The following ADIPOR2 variants were observed in gnomAD, a reference collection of about 807,000 sequenced individuals.
ADIPOR2 encodes the protein adiponectin receptor protein 2.
In ADIPOR2, 18 loss-of-function variants were observed where a neutral mutation model predicts 40.9. That is an observed-to-expected ratio of 0.44 (90% confidence interval 0.30 to 0.65). The LOEUF is 0.65. Among genes scored for constraint, ADIPOR2 ranks in the 30% least tolerant of loss-of-function variants. The probability of loss-of-function intolerance (pLI) is 0.09; values close to 1 mark genes in which losing one functional copy is unlikely to be tolerated. For missense variants in ADIPOR2, 283 were observed against 479.2 expected (o/e 0.59, Z 3.82); for synonymous variants, 165 against 166.4 (o/e 0.99, Z 0.06).
intron 1 of ADIPOR2, among the ~76,000 whole-genome samples, chr12:1,707,734 A>G (rs748493236): frequency 6.6e-6 from 1 of 152,062 alleles, no homozygotes; most frequent in African/African-American, 2.4e-5. Flanking sequence ...CAGTCTCCCA[A>G]AGTGCTGGGA....
chr12:1,730,340 G>A (rs2094717265), intron 1 of ADIPOR2, among the ~76,000 whole-genome samples: 2 of 151,706 alleles, frequency 1.3e-5, no homozygotes, highest in South Asian at 2.1e-4. Flanking sequence ...TGTTCAGGCC[G>A]GGCGCGGTGG....
chr12:1,757,718 G>A (rs1862169472), intron 2 of ADIPOR2: 2 of 1,309,666 alleles, frequency 1.5e-6, no homozygotes, highest in South Asian at 1.2e-5. Flanking sequence ...TAGATGAGAC[G>A]GAAATTCTCC....
Position 1,780,973 on chromosome 12 carries a change from T to A in ADIPOR2, c.735T>A (p.Pro245=). 1 of 1,614,030 alleles carries A rather than the reference T, an allele frequency of 6.2e-7. No individual in the cohort carries two copies. The highest frequency in any genetic ancestry group is 1.3e-5 in the African/African-American group (1 of 75,046). Residue 245 remains proline, a synonymous_variant, in exon 6 of 8, where the codon CCT becomes CCA. Transcript: ENST00000357103. Reference sequence around the variant, plus strand: ...ATTCTTTCTACTGTAATCCACAACCTTGCTTCATCTACTTGATTGTCATCT... The same window carrying A: ...ATTCTTTCTACTGTAATCCACAACCATGCTTCATCTACTTGATTGTCATCT... ...LYYSFYCNPQ[P]CFIYLIVICV...
intron 1 of ADIPOR2, among the ~76,000 whole-genome samples, chr12:1,693,027 C>G (rs974759835): frequency 6.6e-6 from 1 of 152,046 alleles, no homozygotes; most frequent in Non-Finnish European, 1.5e-5. Context: ...TGGTGGCGCA[C>G]TCTTGTTATC....
intron 1 of ADIPOR2, chr12:1,697,947 G>C (rs561759570): frequency 2.0e-5 from 3 of 152,416 alleles, no homozygotes; most frequent in South Asian, 2.1e-4. Context: ...AGTGTATATA[G>C]TACTGCTGTA....
intron 1 of ADIPOR2, among the ~76,000 whole-genome samples, chr12:1,744,355 C>T (rs1023747815): frequency 2.6e-5 from 4 of 152,176 alleles, no homozygotes; most frequent in Admixed American, 6.5e-5. Context: ...CTGCCCGTCT[C>T]GGCCTCCCAA....
chr12:1,700,769 GT>G (rs1028032661), intron 1 of ADIPOR2, among the ~76,000 whole-genome samples: 54 of 141,720 alleles, frequency 3.8e-4, no homozygotes, highest in African/African-American at 1.4e-3. Flanking sequence ...TATAAAAGCT[GT>G]TTTGTTGTTG....
At chr12:1,731,707 C>A (rs947133439) in intron 1 of ADIPOR2, among the ~76,000 whole-genome samples, 9 of 152,190 alleles carry the variant, frequency 5.9e-5, no homozygotes, top group Non-Finnish European at 1.0e-4. Flanking sequence ...TCCCTGTAAT[C>A]CCAGCCCTTT....
chr12:1,747,263 T>C (rs1261068359), intron 1 of ADIPOR2, among the ~76,000 whole-genome samples: 1 of 152,100 alleles, frequency 6.6e-6, no homozygotes, highest in East Asian at 1.9e-4. Context: ...ACAAAGTGCC[T>C]TTTCTAATCA....
chr12:1,770,251 C>T (rs751683197), intron 2 of ADIPOR2, among the ~76,000 whole-genome samples: 10 of 152,172 alleles, frequency 6.6e-5, no homozygotes, highest in Non-Finnish European at 1.0e-4. Context: ...AGTAATCTCA[C>T]TGATTACTTA....
At chr12:1,785,377 A>G (rs1862805603) in intron 7 of ADIPOR2, among the ~76,000 whole-genome samples, 2 of 152,194 alleles carry the variant, frequency 1.3e-5, no homozygotes, top group Non-Finnish European at 2.9e-5. Context: ...TAGTTCATGA[A>G]ATTTGAGAAT....
intron 6 of ADIPOR2, among the ~76,000 whole-genome samples, chr12:1,781,934 A>G (rs1862727996): frequency 6.6e-6 from 1 of 152,238 alleles, no homozygotes; most frequent in Admixed American, 6.5e-5. Flanking sequence ...AGCTTTCAAC[A>G]GTACTTGAGT....
intron 1 of ADIPOR2, among the ~76,000 whole-genome samples, chr12:1,744,843 AT>A (rs1400787116): frequency 1.3e-5 from 2 of 152,266 alleles, no homozygotes; most frequent in Admixed American, 1.3e-4. Flanking sequence ...TATTCTCAAT[AT>A]AAGCTCTATC....
intron 1 of ADIPOR2, among the ~76,000 whole-genome samples, chr12:1,729,426 CTTATA>C (rs1018291003): frequency 3.3e-4 from 50 of 151,686 alleles, no homozygotes; most frequent in African/African-American, 1.2e-3. Context: ...AGGGATATAT[CTTATA>C]TTATCATAAA....
intron 1 of ADIPOR2, among the ~76,000 whole-genome samples, chr12:1,717,796 TTATAAGGA>T (rs1240884856): frequency 1.3e-5 from 2 of 152,174 alleles, no homozygotes; most frequent in Admixed American, 6.5e-5. Flanking sequence ...TGTGTTTGTA[TTATAAGGA>T]AAACAAATTT....
chr12:1,757,055 C>T (rs1862148536), intron 2 of ADIPOR2, among the ~76,000 whole-genome samples: 1 of 152,174 alleles, frequency 6.6e-6, no homozygotes, highest in Non-Finnish European at 1.5e-5. Flanking sequence ...TTATTTACCT[C>T]TGTTTCTTAA....
intron 1 of ADIPOR2, among the ~76,000 whole-genome samples, chr12:1,709,282 GC>G (rs1338291088): frequency 6.6e-6 from 1 of 152,118 alleles, no homozygotes; most frequent in East Asian, 1.9e-4. Context: ...GTTTCTCTCA[GC>G]AGTGTTTTGT....
At chr12:1,750,465 G>A (rs1364117623) in intron 1 of ADIPOR2, among the ~76,000 whole-genome samples, 1 of 151,806 alleles carries the variant, frequency 6.6e-6, no homozygotes, top group Non-Finnish European at 1.5e-5. Context: ...TACTTGGCAG[G>A]TGGAGGGCAG....
chr12:1,737,343 T>C (rs1294121326), intron 1 of ADIPOR2, among the ~76,000 whole-genome samples: 1 of 136,876 alleles, frequency 7.3e-6, no homozygotes, highest in African/African-American at 2.5e-5. Flanking sequence ...TTTTTTGTTG[T>C]TGTTTTTTTT....
Sources: gnomAD v4.1 joint callset for allele counts (sites outside exome capture counted in the v4.1 genomes callset) on GRCh38, gnomAD v4.1.1 for gene constraint, MANE v1.5 for transcripts, NCBI Gene and HGNC (gene_info 2026-07-23, HGNC 2026-07-21) for gene names.